CAMTA1: variants seen among roughly 807,000 people sequenced by gnomAD.
CAMTA1 encodes the protein calmodulin binding transcription activator 1, also known as calmodulin-binding transcription activator 1.
Under a neutral mutation model 170.9 loss-of-function variants are expected in CAMTA1, and 27 were observed. The observed-to-expected ratio is 0.16, with a 90% CI of 0.12 to 0.22. The LOEUF (loss-of-function observed/expected upper bound fraction) is 0.22. Among genes scored for constraint, CAMTA1 ranks in the 10% least tolerant of loss-of-function variants. The probability of loss-of-function intolerance (pLI) is 1.00; values close to 1 mark genes in which losing one functional copy is unlikely to be tolerated. For synonymous variants in CAMTA1, 833 were observed against 891.5 expected (o/e 0.93, Z 1.17); for missense variants, 1,619 against 2,217.2 (o/e 0.73, Z 5.42).
At position 7,333,581 on chromosome 1, in the gene CAMTA1, A is replaced by T. The variant is rs59276112; in HGVS notation, c.438+83955A>T. 0.11 allele frequency among the ~76,000 whole-genome samples: 16,090 copies of T among 152,248 alleles called. 930 individuals are homozygous for T. Among genetic ancestry groups the T allele is most frequent in the African/African-American group, 0.14 (6,000 of 41,538 alleles). ...GGATCTTCATATTGGATCCAGGAAG[A>T]CAACTTTGTGAAAGGAAAAGGCTGA... On this transcript the variant is annotated intron_variant, in intron 5 of 22. Coordinates refer to ENST00000303635, the MANE Select transcript of CAMTA1 (RefSeq NM_015215.4). This position sits in a 1 kb window ranked among gnomAD's most constrained non-coding sequence, Gnocchi z 4.4.
At chr1:7,112,623 T>G (rs922636246) in intron 4 of CAMTA1, among the ~76,000 whole-genome samples, 26 of 152,188 alleles carry the variant, frequency 1.7e-4, no homozygotes, top group African/African-American at 6.0e-4. Context: ...TGAGGCCTCC[T>G]CCCTCCCGCT....
chr1:7,050,772 C>T lies in CAMTA1; in HGVS notation c.235-40532C>T, dbSNP rs371451917. The stretch of plus-strand genomic sequence containing the variant: ...GAGCCCCAGGGGGCCTTGGCCTCCA[C>T]GAGTTTCTAGTCCTTGTCAGGGTGA... On this transcript the variant is annotated intron_variant, in intron 3 of 22. Transcript: ENST00000303635. This position sits in a 1 kb window ranked among gnomAD's most constrained non-coding sequence, Gnocchi z 4.8. Among the ~76,000 whole-genome samples, 105 of 152,052 alleles carry T rather than the reference C, an allele frequency of 6.9e-4. No homozygotes were observed. Among genetic ancestry groups the T allele is most frequent in the Middle Eastern group, 3.4e-3 (1 of 294 alleles).
chr1:6,895,589 C>T (rs1675461745), intron 3 of CAMTA1, among the ~76,000 whole-genome samples: 1 of 152,244 alleles, frequency 6.6e-6, no homozygotes, highest in Admixed American at 6.5e-5. Context: ...ATAATCTGGC[C>T]TCTGCCTCTC....
rs879287041 is a variant in CAMTA1 at position 7,681,991 on chromosome 1, A to G, written c.2914+4258A>G. 2.6e-5 allele frequency among the ~76,000 whole-genome samples: 3 copies of G among 115,950 alleles called. No individual in the cohort carries two copies. The highest frequency in any genetic ancestry group is 4.6e-4 in the East Asian group (2 of 4,336). 76.1% of individuals were successfully genotyped at this position (115,950 alleles called of 152,430 possible). Reference sequence around the variant, plus strand: ...AGAAGATTTAGGGTACCCTGTCCCCACCCCCACCTGCCGGCCCTTCTTGGA... The same window carrying G: ...AGAAGATTTAGGGTACCCTGTCCCCGCCCCCACCTGCCGGCCCTTCTTGGA... On this transcript the variant is annotated intron_variant, in intron 11 of 22. Coordinates refer to ENST00000303635, the MANE Select transcript of CAMTA1 (RefSeq NM_015215.4). This position sits in a 1 kb window ranked among gnomAD's most constrained non-coding sequence, Gnocchi z 4.6.
intron 5 of CAMTA1, among the ~76,000 whole-genome samples, chr1:7,365,227 G>GCT (rs1451899802): frequency 8.1e-3 from 1 of 124 alleles, no homozygotes; most frequent in Non-Finnish European, 0.015. Flanking sequence ...GCACCTGGTG[G>GCT]CTGCGCTGTG....
At chr1:6,900,826 A>G (rs1392294154) in intron 3 of CAMTA1, among the ~76,000 whole-genome samples, 2 of 152,224 alleles carry the variant, frequency 1.3e-5, no homozygotes, top group Non-Finnish European at 2.9e-5. Flanking sequence ...TTGAAAGACT[A>G]AATAGTAAGA....
chr1:7,594,199 G>GGGGAAGGAAGGAAGGA (rs2095378675), intron 6 of CAMTA1, among the ~76,000 whole-genome samples: 1 of 89,806 alleles, frequency 1.1e-5, no homozygotes, highest in South Asian at 5.1e-4. Flanking sequence ...AAAGGAGGGA[G>GGGGAAGGAAGGAAGGA]GGGAAGGAAG....
chr1:7,290,215 G>T (rs1420679102), intron 5 of CAMTA1, among the ~76,000 whole-genome samples: 1 of 152,226 alleles, frequency 6.6e-6, no homozygotes, highest in Non-Finnish European at 1.5e-5. Context: ...CTGGCAGAGG[G>T]AAGGGATGGG....
chr1:7,522,930 A>G (rs1363652430), intron 6 of CAMTA1, among the ~76,000 whole-genome samples: 1 of 152,192 alleles, frequency 6.6e-6, no homozygotes, highest in Non-Finnish European at 1.5e-5. Flanking sequence ...GCAGTGGTGC[A>G]GTCTCAGCTC....
chr1:7,347,231 G>A (rs1001847084), intron 5 of CAMTA1, among the ~76,000 whole-genome samples: 8 of 152,264 alleles, frequency 5.3e-5, no homozygotes, highest in Middle Eastern at 3.4e-3. Flanking sequence ...TCCCCACTTC[G>A]TCTTTCCACA....
At chr1:7,521,353 A>T (rs1027450324) in intron 6 of CAMTA1, among the ~76,000 whole-genome samples, 1 of 152,172 alleles carries the variant, frequency 6.6e-6, no homozygotes, top group Non-Finnish European at 1.5e-5. Flanking sequence ...CTCCTTACCC[A>T]GTTTCCCCCA....
intron 4 of CAMTA1, among the ~76,000 whole-genome samples, chr1:7,101,018 C>T (rs1642655101): frequency 6.6e-6 from 1 of 152,206 alleles, no homozygotes; most frequent in African/African-American, 2.4e-5. Flanking sequence ...CATCTCTAAG[C>T]AGGACACCTG....
At chr1:7,026,635 CT>C (rs540196853) in intron 3 of CAMTA1, among the ~76,000 whole-genome samples, 31,548 of 116,344 alleles carry the variant, frequency 0.27, 3,262 homozygotes, top group African/African-American at 0.35. Flanking sequence ...TGGGTGGCTG[CT>C]TTTTTTTTTT....
chr1:7,018,702 C>T (rs994163084), intron 3 of CAMTA1, among the ~76,000 whole-genome samples: 3 of 152,172 alleles, frequency 2.0e-5, no homozygotes, highest in African/African-American at 7.2e-5. Flanking sequence ...TGTCATGTAG[C>T]CCTGGTAACC....
chr1:7,614,237 G>A (rs920986878), intron 6 of CAMTA1, among the ~76,000 whole-genome samples: 2 of 152,078 alleles, frequency 1.3e-5, no homozygotes, highest in Non-Finnish European at 2.9e-5. Flanking sequence ...GGTCAAAGGC[G>A]GCTGAGAGGG....
intron 5 of CAMTA1, among the ~76,000 whole-genome samples, chr1:7,442,316 C>T (rs1412942047): frequency 6.6e-6 from 1 of 152,154 alleles, no homozygotes; most frequent in African/African-American, 2.4e-5. Flanking sequence ...ACACGGTGGC[C>T]TGAATCACAA....
At position 7,249,439 on chromosome 1, in the gene CAMTA1, A is replaced by C; in HGVS notation, c.303-52A>C. ...CTGGTCGATGATATCTTTCTTCATA[A>C]ATTTTTCTTCTACTTGGTACTCTTG... On this transcript the variant is annotated intron_variant, in intron 4 of 22. Coordinates refer to ENST00000303635, the MANE Select transcript of CAMTA1 (RefSeq NM_015215.4). The surrounding 1 kb of genome is among the most constrained non-coding windows in gnomAD (Gnocchi z 4.4). 6.6e-7 allele frequency: 1 copy of C among 1,526,200 alleles called. No homozygotes were observed. Among genetic ancestry groups the C allele is most frequent in the Non-Finnish European group, 8.9e-7 (1 of 1,125,312 alleles). The allele number at this position is 1,526,200 out of a possible 1,614,324, so 94.5% of individuals were successfully genotyped here.
intron 4 of CAMTA1, among the ~76,000 whole-genome samples, chr1:7,137,655 C>T (rs74051144): frequency 0.016 from 2,513 of 152,328 alleles, 67 homozygotes; most frequent in African/African-American, 0.054. Context: ...ACCCTGCACT[C>T]CTGCCTCGGA....
chr1:6,947,208 A>G (rs1386935880), intron 3 of CAMTA1, among the ~76,000 whole-genome samples: 1 of 152,186 alleles, frequency 6.6e-6, no homozygotes, highest in African/African-American at 2.4e-5. Context: ...TGTCATGATT[A>G]CTATAGCTTG....
Sources: allele counts gnomAD v4.1 joint callset (sites outside exome capture counted in the v4.1 genomes callset), GRCh38; gene constraint gnomAD v4.1.1; non-coding constraint Gnocchi (gnomAD v3.1); transcripts MANE v1.5; gene names NCBI Gene and HGNC (gene_info 2026-07-23, HGNC 2026-07-21).